Variants in IGF1R observed in about 807,000 individuals in gnomAD.
The protein encoded by IGF1R is insulin-like growth factor 1 receptor.
Under a neutral mutation model 144.6 loss-of-function variants are expected in IGF1R, and 44 were observed. The ratio of observed to expected loss-of-function variants is 0.30; its 90% CI spans 0.24 to 0.39. IGF1R has a LOEUF of 0.39. IGF1R is among the 10% of genes least tolerant of loss of function. The pLI is 1.00. For missense variants in IGF1R, 1,355 were observed against 1,833.7 expected (o/e 0.74, Z 4.77); for synonymous variants, 795 against 722.8 (o/e 1.10, Z -1.60).
chr15:98,937,101 GT>G (rs2016184268), intron 17 of IGF1R, among the ~76,000 whole-genome samples: 1 of 152,098 alleles, frequency 6.6e-6, no homozygotes, highest in African/African-American at 2.4e-5. Flanking sequence ...GGCCAGGCTG[GT>G]CTTGAACTCC....
intron 5 of IGF1R, among the ~76,000 whole-genome samples, chr15:98,905,300 T>C (rs2014678525): frequency 6.6e-6 from 1 of 152,076 alleles, no homozygotes; most frequent in African/African-American, 2.4e-5. Flanking sequence ...TAGAGAAGGC[T>C]GAGAACCAGG....
At position 98,948,619 on chromosome 15, in the gene IGF1R, G is replaced by A. The variant is rs2151726693; in HGVS notation, c.3633G>A (p.Gln1211=). 1 of 1,614,166 alleles carries A rather than the reference G, an allele frequency of 6.2e-7. No individual in the cohort carries two copies. The highest frequency in any genetic ancestry group is 1.1e-5 in the South Asian group (1 of 91,076). The change falls in exon 20 of 21, where the codon CAG becomes CAA. Residue 1211 remains glutamine, a synonymous_variant. Coordinates refer to ENST00000650285, the MANE Select transcript of IGF1R (RefSeq NM_000875.5). ...VLWEIATLAE[Q]PYQGLSNEQV... is the part of the protein sequence containing the mutation. ...GGGAGATCGCCACACTGGCCGAGCA[G>A]CCCTACCAGGGCTTGTCCAACGAGC...
chr15:98,714,817 T>G (rs1040683267), intron 2 of IGF1R, among the ~76,000 whole-genome samples: 3 of 152,296 alleles, frequency 2.0e-5, no homozygotes, highest in African/African-American at 7.2e-5. Context: ...TCTTAACATT[T>G]TTTTTTTAAA....
intron 1 of IGF1R, among the ~76,000 whole-genome samples, chr15:98,686,665 A>G (rs1048579195): frequency 1.4e-5 from 2 of 147,026 alleles, no homozygotes; most frequent in Admixed American, 6.9e-5. Context: ...TCAATGAAGT[A>G]TTTAATTTTT....
chr15:98,705,917 C>T (rs780345698), intron 1 of IGF1R, among the ~76,000 whole-genome samples: 4 of 152,224 alleles, frequency 2.6e-5, no homozygotes, highest in African/African-American at 7.2e-5. Flanking sequence ...CCCTCTTCAC[C>T]CTGACCATCA....
intron 2 of IGF1R, among the ~76,000 whole-genome samples, chr15:98,878,693 A>AAACAAAAAC (rs1567174376): frequency 7.9e-6 from 1 of 126,118 alleles, no homozygotes; most frequent in African/African-American, 3.6e-5. Flanking sequence ...AAAAAAAAAA[A>AAACAAAAAC]AACAACAACA....
chr15:98,845,377 T>G (rs1375930802), intron 2 of IGF1R, among the ~76,000 whole-genome samples: 1 of 147,940 alleles, frequency 6.8e-6, no homozygotes, highest in Non-Finnish European at 1.5e-5. Context: ...TTCTCTCTCC[T>G]CCTCCTCCCC....
intron 2 of IGF1R, among the ~76,000 whole-genome samples, chr15:98,753,985 G>A (rs1176697186): frequency 6.6e-6 from 1 of 152,170 alleles, no homozygotes; most frequent in Non-Finnish European, 1.5e-5. Flanking sequence ...CAGGGCTCCA[G>A]CCTTCCTTCC....
Position 98,950,270 on chromosome 15 carries a change from T to A in IGF1R, c.3722+1562T>A, listed in dbSNP as rs113467304. Among the ~76,000 whole-genome samples, 1,307 of 152,248 alleles carry A rather than the reference T, an allele frequency of 8.6e-3. 26 individuals carry two copies. Among genetic ancestry groups the A allele is most frequent in the African/African-American group, 0.03 (1,256 of 41,550 alleles). ...ATAATAGATAGATATGAACCAGACA[T>A]GTGTCAGGTGGACAGGAGGGAATGA... On this transcript the variant is annotated intron_variant, in intron 20 of 20. Transcript: ENST00000650285.
chr15:98,694,249 G>A (rs2053546084), intron 1 of IGF1R, among the ~76,000 whole-genome samples: 1 of 152,148 alleles, frequency 6.6e-6, no homozygotes, highest in Non-Finnish European at 1.5e-5. Flanking sequence ...AACAAAATGG[G>A]AGGGTTATTA....
chr15:98,777,832 G>T lies in IGF1R; in HGVS notation c.640+69725G>T, dbSNP rs539634822. Among the ~76,000 whole-genome samples, 19 of 152,358 alleles carry T rather than the reference G, an allele frequency of 1.2e-4. No individual in the cohort carries two copies. In the South Asian group the frequency reaches 2.9e-3, roughly 23 times the overall value. ...GGGAGCAGCTGCATGACTTTTCAGA[G>T]AAGTGGCACACGTTTACTGTAAGGG... is the stretch of plus-strand genomic sequence containing the variant. On this transcript the variant is annotated intron_variant, in intron 2 of 20. Transcript: ENST00000650285.
intron 2 of IGF1R, among the ~76,000 whole-genome samples, chr15:98,842,249 TTTTACTTC>T (rs1332269173): frequency 2.0e-5 from 3 of 152,298 alleles, no homozygotes; most frequent in East Asian, 1.9e-4. Flanking sequence ...CATTTTTTGT[TTTTACTTC>T]TTTACTTCCT....
At chr15:98,663,961 A>G (rs1393370037) in intron 1 of IGF1R, among the ~76,000 whole-genome samples, 2 of 152,224 alleles carry the variant, frequency 1.3e-5, no homozygotes, top group African/African-American at 2.4e-5. Flanking sequence ...GATGAGAAGC[A>G]ATTGCCCATC....
intron 20 of IGF1R, among the ~76,000 whole-genome samples, chr15:98,949,807 T>G (rs1221920699): frequency 6.6e-6 from 1 of 152,086 alleles, no homozygotes; most frequent in East Asian, 1.9e-4. Flanking sequence ...CCCCTTTTGG[T>G]GGAGGACTTG....
intron 2 of IGF1R, among the ~76,000 whole-genome samples, chr15:98,770,334 T>C (rs1033408165): frequency 6.6e-6 from 1 of 152,142 alleles, no homozygotes; most frequent in African/African-American, 2.4e-5. Flanking sequence ...TACCAGAGAC[T>C]GGGAAAGGGG....
At chr15:98,695,386 G>C (rs2053572907) in intron 1 of IGF1R, among the ~76,000 whole-genome samples, 1 of 152,314 alleles carries the variant, frequency 6.6e-6, no homozygotes, top group South Asian at 2.1e-4. Flanking sequence ...TGCACGATGT[G>C]TGTGAGAGAG....
chr15:98,727,689 T>G (rs1030316991), intron 2 of IGF1R, among the ~76,000 whole-genome samples: 3 of 152,194 alleles, frequency 2.0e-5, no homozygotes, highest in East Asian at 1.9e-4. Flanking sequence ...AGAGCAGGTC[T>G]TCTTCTGCTG....
rs531672395 is a variant in IGF1R, at chr15:98,739,387, C to T, written c.640+31280C>T. Among the ~76,000 whole-genome samples, 10 of 152,170 alleles carry T rather than the reference C, an allele frequency of 6.6e-5. No individual in the cohort carries two copies. In the South Asian group the frequency reaches 1.7e-3, roughly 25 times the overall value. On this transcript the variant is annotated intron_variant, in intron 2 of 20. Transcript: ENST00000650285. Reference sequence around the variant, plus strand: ...TGTGTTTTCATGATCTCCCCCAAAGCGGCACTTTGATGTTTTTTCAGAGTC... The same window carrying T: ...TGTGTTTTCATGATCTCCCCCAAAGTGGCACTTTGATGTTTTTTCAGAGTC...
At chr15:98,837,059 T>C (rs772060418) in intron 2 of IGF1R, among the ~76,000 whole-genome samples, 2 of 152,244 alleles carry the variant, frequency 1.3e-5, no homozygotes, top group Non-Finnish European at 2.9e-5. Context: ...ACTCACAGTA[T>C]GCAGATGTCT....
Sources: allele counts gnomAD v4.1 joint callset (sites outside exome capture counted in the v4.1 genomes callset), GRCh38; gene constraint gnomAD v4.1.1; transcripts MANE v1.5; gene names NCBI Gene and HGNC (gene_info 2026-07-23, HGNC 2026-07-21).